Variants in CITED1 observed in about 807,000 individuals in gnomAD.
CITED1 encodes the protein Cbp/p300 interacting transactivator with ED-rich tail 1, also known as cbp/p300-interacting transactivator 1.
A neutral mutation model predicts 8.5 loss-of-function variants in CITED1; 3 were observed. The ratio of observed to expected loss-of-function variants is 0.35; its 90% CI spans 0.16 to 0.91. The LOEUF is 0.91. Among genes scored for constraint, CITED1 ranks in the 40% least tolerant of loss-of-function variants. The probability of loss-of-function intolerance (pLI) is 0.46; values close to 1 mark genes in which losing one functional copy is unlikely to be tolerated. For missense variants in CITED1, 113 were observed against 154.8 expected, an observed-to-expected ratio of 0.73 and a Z score of 1.43; for synonymous variants, 54 against 67.4, an observed-to-expected ratio of 0.80 and a Z score of 0.97.
chrX:72,304,720 T>C (rs777742872), intron 1 of CITED1, among the ~76,000 whole-genome samples: 25 of 111,816 alleles, frequency 2.2e-4, no homozygotes, highest in African/African-American at 7.8e-4. Context: ...ACTCTCTCTA[T>C]TCTGATATCA....
chrX:72,303,419 C>T (rs2043307386), intron 1 of CITED1, among the ~76,000 whole-genome samples: 1 of 112,580 alleles, frequency 8.9e-6, no homozygotes, highest in African/African-American at 3.2e-5. Context: ...AGGGAAATAA[C>T]AAGTCTCTAG....
At position 72,301,733 on chromosome X, in the gene CITED1, G is replaced by A. The variant is rs766306764; in HGVS notation, c.572C>T (p.Ser191Phe). Residue 191 changes from serine to phenylalanine, a missense_variant, in exon 3 of 3, where the codon TCT (serine) becomes TTT (phenylalanine). Physicochemically the swap from Ser to Phe is radical, Grantham distance 155 (BLOSUM62 -2). Transcript: ENST00000651998. ...NEFDFTADFP[S>F]SC ...TAGGGACACTTGGCATTAGCAGCTA[G>A]ATGGAAAGTCCGCAGTGAAGTCAAA... 1.7e-6 allele frequency: 2 copies of A among 1,210,409 alleles called. No homozygotes were observed. Among genetic ancestry groups the A allele is most frequent in the Admixed American group, 4.3e-5 (2 of 46,059 alleles).
At position 72,302,182 on chromosome X, in the gene CITED1, T is replaced by C; in HGVS notation, c.123A>G (p.Ala41=). ...YSNLAVKDRK[A]VAILHYPGVA... is the part of the protein sequence containing the mutation. ...CCCCAGGGTAGTGCAGAATGGCCACTGCTTTGCGATCTTTCACCGCAAGGT... is the reference window on the plus strand; with the variant it reads ...CCCCAGGGTAGTGCAGAATGGCCACCGCTTTGCGATCTTTCACCGCAAGGT... The change falls in exon 3 of 3, where the codon GCA becomes GCG. Residue 41 remains alanine, a synonymous_variant. Transcript: ENST00000651998. 8.3e-7 allele frequency: 1 copy of C among 1,203,206 alleles called. No individual in the cohort carries two copies. Among genetic ancestry groups the C allele is most frequent in the Non-Finnish European group, 1.1e-6 (1 of 891,457 alleles).
rs750445878 is a variant in CITED1 at position 72,305,053 on chromosome X, G to A, written c.-66+772C>T. Among the ~76,000 whole-genome samples, 5 of 113,160 alleles carry A rather than the reference G, an allele frequency of 4.4e-5. No individual in the cohort carries two copies. The Admixed American group carries it at 4.6e-4, about 10-fold the overall frequency. Reference sequence around the variant, plus strand: ...CTCCAAGCCGCGAGCTGACCACTGCGAAACGGCTGCGACAGGCGGCTGGGA... The same window carrying A: ...CTCCAAGCCGCGAGCTGACCACTGCAAAACGGCTGCGACAGGCGGCTGGGA... On this transcript the variant is annotated intron_variant, in intron 1 of 2. Transcript: ENST00000651998.
intron 1 of CITED1, chrX:72,305,314 T>C: frequency 8.6e-7 from 1 of 1,166,310 alleles, no homozygotes; most frequent in Non-Finnish European, 1.1e-6. Flanking sequence ...GATGGTTCCA[T>C]CTCGATTGCT....
chrX:72,301,892 G>A lies in CITED1; in HGVS notation c.413C>T (p.Pro138Leu), dbSNP rs1480767798. The A allele has an allele frequency of 8.2e-7, 1 of 1,212,352 alleles. No individual in the cohort carries two copies. The highest frequency in any genetic ancestry group is 3.0e-5 in the East Asian group (1 of 33,853). ...AGCAGGGCTCTGGGCACCAGCAGAAGGAGAGAGTGATTCTGCCCCTCCCGC... is the reference window on the plus strand; with the variant it reads ...AGCAGGGCTCTGGGCACCAGCAGAAAGAGAGAGTGATTCTGCCCCTCCCGC... ...AQAGGAESLSPSAGAQSPAII... is the reference protein window; with the variant it reads ...AQAGGAESLSLSAGAQSPAII... Residue 138 changes from proline (P) to leucine (L), a missense_variant, in exon 3 of 3, where the codon CCT (proline) becomes CTT (leucine). Physicochemically the swap from Pro to Leu is moderately conservative, Grantham distance 98. Transcript: ENST00000651998.
intron 1 of CITED1, 147 bp downstream of exon 1, chrX:72,305,678 C>A (rs1490426808): frequency 1.1e-5 from 2 of 188,557 alleles, no homozygotes; most frequent in Admixed American, 1.5e-4. Flanking sequence ...CTGCCACTCT[C>A]GCGCCTGATC....
At position 72,301,846 on chromosome X, in the gene CITED1, C is replaced by T. The variant is rs2043289346; in HGVS notation, c.459G>A (p.Val153=). Residue 153 remains valine (V), a synonymous_variant, in exon 3 of 3, where the codon GTG becomes GTA. Transcript: ENST00000651998. ...QSPAIIDSDP[V]DEEVLMSLVV... ...CCAGCGACATCAGCACTTCCTCATC[C>T]ACTGGGTCCGAATCGATGATAGCAG... The T allele has an allele frequency of 8.3e-7, 1 of 1,210,278 alleles. No individual in the cohort carries two copies. The highest frequency in any genetic ancestry group is 1.1e-6 in the Non-Finnish European group (1 of 895,340).
chrX:72,305,434 T>C, intron 1 of CITED1: 1 of 592,129 alleles, frequency 1.7e-6, no homozygotes, highest in Non-Finnish European at 2.7e-6. Context: ...TAAAGGCCCG[T>C]TGTTTGCGGA....
At chrX:72,303,091 A>T (rs1287547067) in intron 1 of CITED1, among the ~76,000 whole-genome samples, 157 bp from the exon 2 acceptor site, 2 of 113,277 alleles carry the variant, frequency 1.8e-5, no homozygotes, top group African/African-American at 6.4e-5. Context: ...CAGGGAGGAG[A>T]TCAAGCTGGA....
Position 72,302,890 on chromosome X carries a change from T to A in CITED1, c.-21A>T. The A allele has an allele frequency of 1.7e-6, 2 of 1,211,632 alleles. No individual in the cohort carries two copies. The highest frequency in any genetic ancestry group is 3.5e-5 in the African/African-American group (2 of 57,943). Reference sequence around the variant, plus strand: ...GGCATTTCAGAGCCTTGGCAGAAGTTGGATAAATTGGCGGGAAGTGATGCT... The same window carrying A: ...GGCATTTCAGAGCCTTGGCAGAAGTAGGATAAATTGGCGGGAAGTGATGCT... On this transcript the variant is annotated 5_prime_UTR_variant, in exon 2 of 3. Coordinates refer to ENST00000651998, the MANE Select transcript of CITED1 (RefSeq NM_001144887.2).
Position 72,302,799 on chromosome X carries a change from G to A in CITED1, c.60+11C>T, listed in dbSNP as rs1013801303. 3 of 1,199,555 alleles carry A rather than the reference G, an allele frequency of 2.5e-6. No homozygotes were observed. Among genetic ancestry groups the A allele is most frequent in the Non-Finnish European group, 2.3e-6 (2 of 888,575 alleles). The stretch of plus-strand genomic sequence containing the variant: ...CTTTCCCTGCCTCATCTGTAAAATG[G>A]CAAAAATTACCTCCTTCGCAGGTGA... On this transcript the variant is annotated intron_variant, in intron 2 of 2. Transcript: ENST00000651998.
intron 1 of CITED1, among the ~76,000 whole-genome samples, chrX:72,304,855 G>T (rs1446243638): frequency 8.9e-6 from 1 of 112,019 alleles, no homozygotes; most frequent in Non-Finnish European, 1.9e-5. Flanking sequence ...CCTGACCCCA[G>T]CCTGGGTCTG....
At chrX:72,306,302 TGGCG>T (rs757184047), upstream of CITED1, among the ~76,000 whole-genome samples, 53 of 104,320 alleles carry the variant, frequency 5.1e-4, no homozygotes, top group Non-Finnish European at 7.9e-4. Flanking sequence ...ACCCGAGCGC[TGGCG>T]GGCGGGCGGG....
At chrX:72,307,040 G>C (rs1010480955), upstream of CITED1, 10 of 110,087 alleles carry the variant, frequency 9.1e-5, no homozygotes, top group Non-Finnish European at 1.3e-4. Context: ...GCCCGCGCGG[G>C]TGCTGTGCCG....
In CITED1 at chrX:72,304,088, T is replaced by C. The variant is rs9988286; in HGVS notation, c.-65-1154A>G. The C allele has an allele frequency of 4.9e-3, 3,152 of 645,537 alleles. 104 individuals carry two copies. The African/African-American group carries it at 0.074, about 15-fold the overall frequency. The allele number at this position is 645,537 out of a possible 1,213,427, so 53.2% of individuals were successfully genotyped here. On this transcript the variant is annotated intron_variant, in intron 1 of 2. Transcript: ENST00000651998. ...GCCCCATATATTCTAGCTTTCATGA[T>C]CAATTAGAGATGTAGAATTTCATAT...
chrX:72,305,320 T>C lies in CITED1; in HGVS notation c.-66+505A>G, dbSNP rs1478171802. The C allele has an allele frequency of 4.3e-6, 5 of 1,164,803 alleles. No homozygotes were observed. The African/African-American group carries it at 5.4e-5, about 12-fold the overall frequency. ...CACCAACCGGATGGTTCCATCTCGA[T>C]TGCTATTTTCTCACTCAGAAGGAGA... On this transcript the variant is annotated intron_variant, in intron 1 of 2. Coordinates refer to ENST00000651998, the MANE Select transcript of CITED1 (RefSeq NM_001144887.2).
chrX:72,306,890 A>G (rs983783014), upstream of CITED1: 6 of 110,451 alleles, frequency 5.4e-5, no homozygotes, highest in African/African-American at 2.0e-4. Flanking sequence ...TAGGAATCCC[A>G]GGAAGGACAG....
At chrX:72,306,461 C>G (rs868410537), upstream of CITED1, 2 of 112,053 alleles carry the variant, frequency 1.8e-5, no homozygotes, top group Non-Finnish European at 3.8e-5. Context: ...GCGCCCAGCC[C>G]GGCGGCCCGG....
Sources: allele counts gnomAD v4.1 joint callset (sites outside exome capture counted in the v4.1 genomes callset), GRCh38; gene constraint gnomAD v4.1.1; transcripts MANE v1.5; gene names NCBI Gene and HGNC (gene_info 2026-07-23, HGNC 2026-07-21).